The following FBXO43 variants were observed in gnomAD, a reference collection of about 807,000 sequenced individuals.
The protein encoded by FBXO43 is F-box only protein 43.
A neutral mutation model predicts 56.7 loss-of-function variants in FBXO43; 22 were observed. That is an observed-to-expected ratio of 0.39 (90% CI 0.28 to 0.55). The LOEUF is 0.55. FBXO43 is among the 20% of genes least tolerant of loss of function. FBXO43 has a pLI of 0.66. For synonymous variants in FBXO43, 306 were observed against 294.5 expected, an observed-to-expected ratio of 1.04 and a Z score of -0.40; for missense variants, 733 against 814.9, an observed-to-expected ratio of 0.90 and a Z score of 1.22.
At chr8:100,148,873 T>C (rs1357896999), upstream of FBXO43, among the ~76,000 whole-genome samples, 1 of 152,198 alleles carries the variant, frequency 6.6e-6, no homozygotes, top group Non-Finnish European at 1.5e-5. Context: ...TATCTGGATA[T>C]ATTTAAGTGA....
rs1563749913 is a variant in FBXO43 at position 100,133,900 on chromosome 8, CATG to C, written c.2026_2028del (p.His676del). The C allele has an allele frequency of 6.2e-7, 1 of 1,614,166 alleles. No homozygotes were observed. The highest frequency in any genetic ancestry group is 8.5e-7 in the Non-Finnish European group (1 of 1,180,036). On this transcript the variant is annotated inframe_deletion, in exon 5 of 5. Coordinates refer to ENST00000428847, the MANE Select transcript of FBXO43 (RefSeq NM_001029860.4). Reference sequence around the variant, plus strand: ...GCTCCTCTACTACATTCTTCAGACCCATGATAAGCACACAGACATAACACACAA... The same window carrying C: ...GCTCCTCTACTACATTCTTCAGACCCATAAGCACACAGACATAACACACAA...
upstream of FBXO43, among the ~76,000 whole-genome samples, chr8:100,148,015 G>T (rs2132153014): frequency 6.6e-6 from 1 of 152,120 alleles, no homozygotes; most frequent in Middle Eastern, 3.4e-3. Context: ...GAATTCTACT[G>T]AATTTTCTCT....
upstream of FBXO43, among the ~76,000 whole-genome samples, chr8:100,146,010 C>T (rs941604919): frequency 6.6e-6 from 1 of 152,246 alleles, no homozygotes; most frequent in African/African-American, 2.4e-5. Flanking sequence ...TCTGCTTCTC[C>T]CCATTCCCAC....
intron 2 of FBXO43, among the ~76,000 whole-genome samples, chr8:100,138,798 GA>G (rs959187525): frequency 1.5e-4 from 23 of 152,180 alleles, no homozygotes; most frequent in Non-Finnish European, 1.0e-4. Flanking sequence ...AGCACTTTGG[GA>G]GGCCAAGGCA....
intron 1 of FBXO43, 126 bp from the exon 2 acceptor site, chr8:100,142,294 CT>C: frequency 1.0e-6 from 1 of 966,646 alleles, no homozygotes; most frequent in Non-Finnish European, 1.4e-6. Flanking sequence ...TGAAAAGTTA[CT>C]TTAAAAAAAC....
chr8:100,142,521 AAAC>A (rs1814693366), intron 1 of FBXO43, among the ~76,000 whole-genome samples: 1 of 152,202 alleles, frequency 6.6e-6, no homozygotes, highest in Non-Finnish European at 1.5e-5. Flanking sequence ...TCACAGAACT[AAAC>A]AATTTTGATT....
rs1814373991 is a variant in FBXO43, at chr8:100,133,617, GT to G, written c.*184del. 4 of 593,142 alleles carry G rather than the reference GT, an allele frequency of 6.7e-6. No homozygotes were observed. The Admixed American group carries it at 1.1e-4, about 17-fold the overall frequency. 36.7% of individuals were successfully genotyped at this position (593,142 alleles called of 1,614,324 possible). A position where few individuals can be genotyped will look rare whatever the true frequency, so the allele number is the denominator to read the frequency against. The stretch of plus-strand genomic sequence containing the variant: ...TTATTAAAATGGGTAAAATGACATA[GT>G]AAAATAAAATTTTTTCAAAACAACT... On this transcript the variant is annotated 3_prime_UTR_variant, in exon 5 of 5. Coordinates refer to ENST00000428847, the MANE Select transcript of FBXO43 (RefSeq NM_001029860.4).
intron 3 of FBXO43, among the ~76,000 whole-genome samples, chr8:100,135,019 A>C (rs1049378735): frequency 5.3e-5 from 8 of 152,232 alleles, no homozygotes; most frequent in Admixed American, 4.6e-4. Context: ...ATAGAGAAAC[A>C]CTAAGCAAAA....
rs939792535 is a variant in FBXO43, at chr8:100,141,979, T to C, written c.275A>G (p.Glu92Gly). The change falls in exon 2 of 5, where the codon GAA becomes GGA. Residue 92 changes from glutamate to glycine, a missense_variant. Glu to Gly is a moderately conservative substitution (Grantham distance 98, BLOSUM62 -2). Coordinates refer to ENST00000428847, the MANE Select transcript of FBXO43 (RefSeq NM_001029860.4). ...GCCTTTTTCTTTCTTTCCAAGATAT[T>C]CTTTATCTATATTATCAAAGCTACA... is the stretch of plus-strand genomic sequence containing the variant. ...KSCSFDNIDKEYLGKKEKGPT... is the reference protein window; with the variant it reads ...KSCSFDNIDKGYLGKKEKGPT... 6.2e-7 allele frequency: 1 copy of C among 1,609,598 alleles called. No individual in the cohort carries two copies. Among genetic ancestry groups the C allele is most frequent in the African/African-American group, 1.3e-5 (1 of 74,556 alleles).
chr8:100,149,659 G>T (rs1213233295), upstream of FBXO43, among the ~76,000 whole-genome samples: 2 of 152,186 alleles, frequency 1.3e-5, no homozygotes, highest in South Asian at 2.1e-4. Context: ...GAAGGAGTTT[G>T]AACTTCTGGA....
chr8:100,144,603 A>C, intron 1 of FBXO43, among the ~76,000 whole-genome samples: 1 of 150,892 alleles, frequency 6.6e-6, no homozygotes, highest in Non-Finnish European at 1.5e-5. Flanking sequence ...AGGCTGAGAA[A>C]ACTTATTCCT....
chr8:100,134,131 C>G (rs754049256), intron 4 of FBXO43, 30 bp downstream of exon 4: 1 of 1,602,870 alleles, frequency 6.2e-7, no homozygotes, highest in Admixed American at 1.7e-5. Context: ...ATATTTATTT[C>G]TAATAACTTA....
At chr8:100,143,796 G>T (rs1401479398) in intron 1 of FBXO43, among the ~76,000 whole-genome samples, 1 of 152,042 alleles carries the variant, frequency 6.6e-6, no homozygotes, top group African/African-American at 2.4e-5. Flanking sequence ...TTATGAGACG[G>T]AGTCTCGCTT....
At position 100,142,098 on chromosome 8, in the gene FBXO43, G is replaced by C. The variant is rs967720886; in HGVS notation, c.156C>G (p.Asp52Glu). The C allele has an allele frequency of 6.2e-7, 1 of 1,610,518 alleles. No individual in the cohort carries two copies. The highest frequency in any genetic ancestry group is 2.2e-5 in the East Asian group (1 of 44,796). ...QAGTEAGNGA[D>E]SPPIVNSKYS... ...ACTTGGAGTTGACAATTGGAGGAGA[G>C]TCCGCCCCATTTCCTGCTTCAGTGC... The change falls in exon 2 of 5, where the codon GAC becomes GAG. Residue 52 changes from aspartate (D) to glutamate (E), a missense_variant. By Grantham distance (45) the Asp-to-Glu change is conservative. Transcript: ENST00000428847.
rs746058306 is a variant in FBXO43, at chr8:100,140,924, G to T, written c.1330C>A (p.Gln444Lys). ...TTCATGAACAGCTCATGTACCAATT[G>T]CAAGGCTGGGGTCTTTGATAAATTC... ...LKNLSKTPALQLVHELFMKSK... is the reference protein window; with the variant it reads ...LKNLSKTPALKLVHELFMKSK... Residue 444 changes from glutamine to lysine, a missense_variant, in exon 2 of 5, where the codon CAA (glutamine) becomes AAA (lysine). Transcript: ENST00000428847. 27 of 1,613,972 alleles carry T rather than the reference G, an allele frequency of 1.7e-5. No individual in the cohort carries two copies. The highest frequency in any genetic ancestry group is 2.3e-5 in the Non-Finnish European group (27 of 1,180,046).
At chr8:100,138,275 C>G (rs546700335) in intron 2 of FBXO43, among the ~76,000 whole-genome samples, 54 of 152,304 alleles carry the variant, frequency 3.5e-4, no homozygotes, top group Non-Finnish European at 5.3e-4. Context: ...AAAAGTAAGA[C>G]TTTGACTATT....
At chr8:100,135,888 G>C (rs1329964561) in intron 3 of FBXO43, among the ~76,000 whole-genome samples, 1 of 151,752 alleles carries the variant, frequency 6.6e-6, no homozygotes, top group Non-Finnish European at 1.5e-5. Flanking sequence ...TTACAGGCAT[G>C]AGCCACTGTG....
At chr8:100,142,589 T>C (rs1199078619) in intron 1 of FBXO43, among the ~76,000 whole-genome samples, 1 of 131,936 alleles carries the variant, frequency 7.6e-6, no homozygotes, top group Non-Finnish European at 1.6e-5. Flanking sequence ...AAAAATGCTA[T>C]ATGCTACTTT....
At position 100,145,614 on chromosome 8, in the gene FBXO43, T is replaced by C. The variant is rs900722630; in HGVS notation, c.-479A>G. Reference sequence around the variant, plus strand: ...GGGGCCGGGCCGCCGGGAGACCCGCTAACGGGCACTCGCCTGGGGTCCCGC... The same window carrying C: ...GGGGCCGGGCCGCCGGGAGACCCGCCAACGGGCACTCGCCTGGGGTCCCGC... On this transcript the variant is annotated 5_prime_UTR_variant, in exon 1 of 5. Coordinates refer to ENST00000428847, the MANE Select transcript of FBXO43 (RefSeq NM_001029860.4). The C allele has an allele frequency of 6.6e-6, 1 of 152,082 alleles. No homozygotes were observed. Among genetic ancestry groups the C allele is most frequent in the Non-Finnish European group, 1.5e-5 (1 of 68,314 alleles). The allele number at this position is 152,082 out of a possible 1,614,324, so 9.4% of individuals were successfully genotyped here. A position where few individuals can be genotyped will look rare whatever the true frequency, so the allele number is the denominator to read the frequency against.
Sources: gnomAD v4.1 joint callset for allele counts (sites outside exome capture counted in the v4.1 genomes callset) on GRCh38, gnomAD v4.1.1 for gene constraint, MANE v1.5 for transcripts, NCBI Gene and HGNC (gene_info 2026-07-23, HGNC 2026-07-21) for gene names.